NALCN: variants seen among roughly 807,000 people sequenced by gnomAD.
NALCN encodes the protein sodium leak channel NALCN.
In NALCN, 111 loss-of-function variants were observed where a neutral mutation model predicts 225.3. The ratio of observed to expected loss-of-function variants is 0.49; its 90% CI spans 0.42 to 0.58. NALCN has a LOEUF of 0.58. Ranked by LOEUF, NALCN falls within the 20% of genes least tolerant of loss-of-function variation. The pLI is 0.00. For synonymous variants in NALCN, 764 were observed against 769.0 expected (o/e 0.99, Z 0.11); for missense variants, 1,378 against 2,202.4 (o/e 0.63, Z 7.49).
At chr13:101,133,828 T>C (rs557679665) in intron 17 of NALCN, among the ~76,000 whole-genome samples, 1 of 152,184 alleles carries the variant, frequency 6.6e-6, no homozygotes, top group Non-Finnish European at 1.5e-5. Flanking sequence ...TTGAACAGTA[T>C]CTTAAAATGT....
chr13:101,162,963 G>A (rs978306739), intron 15 of NALCN, among the ~76,000 whole-genome samples: 2 of 152,036 alleles, frequency 1.3e-5, no homozygotes, highest in African/African-American at 4.8e-5. Flanking sequence ...ATTCGCAGAC[G>A]CGATCTCAGC....
At chr13:101,379,710 G>C (rs989914438) in intron 3 of NALCN, among the ~76,000 whole-genome samples, 3 of 152,086 alleles carry the variant, frequency 2.0e-5, no homozygotes, top group Non-Finnish European at 2.9e-5. Context: ...ACACGGGCCT[G>C]TCAAGAGGTG....
At chr13:101,224,489 A>G (rs1284763220) in intron 13 of NALCN, among the ~76,000 whole-genome samples, 1 of 152,172 alleles carries the variant, frequency 6.6e-6, no homozygotes, top group Non-Finnish European at 1.5e-5. Flanking sequence ...CACTGCTCTC[A>G]AACTAGAATG....
At chr13:101,073,497 T>C (rs2033039198) in intron 37 of NALCN, 87 bp downstream of exon 37, 2 of 1,132,608 alleles carry the variant, frequency 1.8e-6, no homozygotes, top group Non-Finnish European at 2.6e-6. Context: ...GTCTTAACGC[T>C]AACAAGGATG....
intron 11 of NALCN, among the ~76,000 whole-genome samples, chr13:101,254,520 A>C (rs1489070190): frequency 6.6e-6 from 1 of 151,954 alleles, no homozygotes; most frequent in Non-Finnish European, 1.5e-5. Flanking sequence ...ACCACTACCT[A>C]GTTTATTTAT....
At chr13:101,217,364 T>G (rs2040776196) in intron 13 of NALCN, among the ~76,000 whole-genome samples, 1 of 152,232 alleles carries the variant, frequency 6.6e-6, no homozygotes, top group African/African-American at 2.4e-5. Flanking sequence ...AACTGTTGCA[T>G]ATTGCCTTAC....
At chr13:101,332,565 C>A (rs557671651) in intron 7 of NALCN, among the ~76,000 whole-genome samples, 1 of 152,002 alleles carries the variant, frequency 6.6e-6, no homozygotes, top group Non-Finnish European at 1.5e-5. Flanking sequence ...AAAAATAAGA[C>A]AAATTAAAGC....
intron 14 of NALCN, among the ~76,000 whole-genome samples, chr13:101,180,030 T>C (rs1050712597): frequency 3.3e-5 from 5 of 152,066 alleles, no homozygotes; most frequent in East Asian, 1.9e-4. Flanking sequence ...ACGCTTGTCA[T>C]TGGACTTAGG....
chr13:101,178,389 C>G (rs2039051637), intron 14 of NALCN, among the ~76,000 whole-genome samples: 1 of 152,146 alleles, frequency 6.6e-6, no homozygotes, highest in Non-Finnish European at 1.5e-5. Context: ...TGTTCGCCTC[C>G]CTTTTCTTAG....
At chr13:101,350,975 GTATCTATAGACA>G (rs1169335665) in intron 6 of NALCN, among the ~76,000 whole-genome samples, 3 of 152,026 alleles carry the variant, frequency 2.0e-5, no homozygotes, top group African/African-American at 7.2e-5. Context: ...ATCTGTATCT[GTATCTATAGACA>G]TATCTTTTGA....
intron 33 of NALCN, among the ~76,000 whole-genome samples, 181 bp from the exon 34 acceptor site, chr13:101,081,827 G>A (rs1473457182): frequency 1.3e-5 from 2 of 151,994 alleles, no homozygotes; most frequent in African/African-American, 2.4e-5. Context: ...GCCCTTTGAG[G>A]TTTCCTTTTA....
At chr13:101,361,931 T>G (rs1433595694) in intron 6 of NALCN, among the ~76,000 whole-genome samples, 3 of 152,068 alleles carry the variant, frequency 2.0e-5, no homozygotes, top group African/African-American at 7.2e-5. Flanking sequence ...ATTTTTGCTA[T>G]TCTGGTAAAA....
intron 5 of NALCN, 28 bp from the exon 6 acceptor site, chr13:101,376,856 A>T: frequency 6.2e-7 from 1 of 1,613,006 alleles, no homozygotes. Context: ...GGTAAAGTAC[A>T]TAAAACTTAC....
intron 6 of NALCN, among the ~76,000 whole-genome samples, chr13:101,356,966 G>T (rs1222197622): frequency 6.6e-6 from 1 of 152,090 alleles, no homozygotes; most frequent in Non-Finnish European, 1.5e-5. Context: ...TGCAGAAAAG[G>T]CCTTTGATAA....
chr13:101,127,872 A>T (rs2036313676), intron 17 of NALCN, among the ~76,000 whole-genome samples: 1 of 151,878 alleles, frequency 6.6e-6, no homozygotes, highest in Non-Finnish European at 1.5e-5. Flanking sequence ...AGCTTTGCGA[A>T]TTTTTTTTGG....
intron 6 of NALCN, among the ~76,000 whole-genome samples, chr13:101,352,690 T>C (rs942535600): frequency 1.3e-5 from 2 of 152,154 alleles, no homozygotes; most frequent in African/African-American, 4.8e-5. Flanking sequence ...CTGTTCCTAG[T>C]AGGTGAGAAA....
chr13:101,058,421 C>T lies in NALCN; in HGVS notation c.4906-365G>A, dbSNP rs192098591. The T allele has an allele frequency of 4.7e-3, 840 of 180,470 alleles. 6 individuals are homozygous for T. The highest frequency in any genetic ancestry group is 7.4e-3 in the Middle Eastern group (3 of 408). 11.2% of individuals were successfully genotyped at this position (180,470 alleles called of 1,614,324 possible). Reference sequence around the variant, plus strand: ...GGTGGGGCAGTGGGGACGGGCTGGGCGGGGGCAGTCTACTGTCACCAGCCT... The same window carrying T: ...GGTGGGGCAGTGGGGACGGGCTGGGTGGGGGCAGTCTACTGTCACCAGCCT... On this transcript the variant is annotated intron_variant, in intron 42 of 43. Transcript: ENST00000251127.
At chr13:101,198,164 G>A (rs1313930971) in intron 13 of NALCN, among the ~76,000 whole-genome samples, 1 of 152,112 alleles carries the variant, frequency 6.6e-6, no homozygotes, top group Non-Finnish European at 1.5e-5. Flanking sequence ...AGACTTAAAT[G>A]TCAGACATAA....
chr13:101,400,927 C>T (rs2139515499), intron 1 of NALCN, among the ~76,000 whole-genome samples: 1 of 152,222 alleles, frequency 6.6e-6, no homozygotes, highest in African/African-American at 2.4e-5. Context: ...ACAGTTCCTA[C>T]TTCACACACT....
Sources: allele counts gnomAD v4.1 joint callset (sites outside exome capture counted in the v4.1 genomes callset), GRCh38; gene constraint gnomAD v4.1.1; transcripts MANE v1.5; gene names NCBI Gene and HGNC (gene_info 2026-07-23, HGNC 2026-07-21).